LANCL2: variants seen among roughly 807,000 people sequenced by gnomAD.
LANCL2 encodes the protein LanC like glutathione S-transferase 2.
LANCL2 carries 33 observed loss-of-function variants against 56.9 expected under a neutral mutation model. The ratio of observed to expected loss-of-function variants is 0.58; its 90% CI spans 0.44 to 0.78. The LOEUF is 0.78. Ranked by LOEUF, LANCL2 falls within the 30% of genes least tolerant of loss-of-function variation. The pLI is 0.00. For missense variants in LANCL2, 562 were observed against 580.2 expected, an observed-to-expected ratio of 0.97 and a Z score of 0.32; for synonymous variants, 233 against 228.2, an observed-to-expected ratio of 1.02 and a Z score of -0.19.
chr7:55,426,907 G>T (rs1239294892), intron 7 of LANCL2, among the ~76,000 whole-genome samples: 4 of 152,214 alleles, frequency 2.6e-5, no homozygotes, highest in Non-Finnish European at 4.4e-5. Flanking sequence ...TATGGGCAAT[G>T]CGAGAAGACC....
intron 1 of LANCL2, among the ~76,000 whole-genome samples, chr7:55,375,712 C>T (rs1014597270): frequency 3.3e-5 from 5 of 152,208 alleles, no homozygotes; most frequent in African/African-American, 1.2e-4. Flanking sequence ...CTTAGAATTT[C>T]ATAAGGCCAA....
chr7:55,385,750 A>G (rs1790118257), intron 1 of LANCL2, among the ~76,000 whole-genome samples: 1 of 152,192 alleles, frequency 6.6e-6, no homozygotes, highest in Non-Finnish European at 1.5e-5. Flanking sequence ...ATCAGGAGAC[A>G]GGGTTTTGAG....
rs2128990262 is a variant in LANCL2, at chr7:55,365,917, C to T, written c.-109C>T. ...CTCCCGCCAGCGCGCGGCCTCGCTC[C>T]TCCTAGAGGACGCTCTCTGCGCGGG... is the stretch of plus-strand genomic sequence containing the variant. On this transcript the variant is annotated 5_prime_UTR_variant, in exon 1 of 9. Transcript: ENST00000254770. 5 of 867,238 alleles carry T rather than the reference C, an allele frequency of 5.8e-6. No individual in the cohort carries two copies. In the East Asian group the frequency reaches 1.7e-4, roughly 29 times the overall value. 53.7% of individuals were successfully genotyped at this position (867,238 alleles called of 1,614,324 possible).
At chr7:55,431,142 C>A in intron 8 of LANCL2, 84 bp from the exon 9 acceptor site, 1 of 945,566 alleles carries the variant, frequency 1.1e-6, no homozygotes, top group Non-Finnish European at 1.5e-6. Context: ...GCTTGCAGCC[C>A]CTGGTAAGGG....
At position 55,366,581 on chromosome 7, in the gene LANCL2, T is replaced by C. The variant is rs894854381; in HGVS notation, c.204+352T>C. 1.6e-4 allele frequency among the ~76,000 whole-genome samples: 24 copies of C among 152,220 alleles called. 1 individual carries two copies. Among genetic ancestry groups the C allele is most frequent in the Admixed American group, 7.2e-4 (11 of 15,294 alleles). On this transcript the variant is annotated intron_variant, in intron 1 of 8. Transcript: ENST00000254770. ...CTGCGCGGCGGAGCGCTCCGCCGGC[T>C]ACCTGCTCCTCAGAAGTGGCCTGGA... is the stretch of plus-strand genomic sequence containing the variant.
chr7:55,371,418 T>G (rs1789942218), intron 1 of LANCL2, among the ~76,000 whole-genome samples: 1 of 152,206 alleles, frequency 6.6e-6, no homozygotes, highest in Non-Finnish European at 1.5e-5. Context: ...GAGACAGGGT[T>G]TTACCATGTT....
intron 4 of LANCL2, 89 bp downstream of exon 4, chr7:55,400,193 C>T: frequency 8.9e-7 from 1 of 1,128,178 alleles, no homozygotes; most frequent in Non-Finnish European, 1.2e-6. Context: ...GACTTTACTT[C>T]TAGGTAGCAT....
chr7:55,386,500 T>C (rs898399211), intron 1 of LANCL2, among the ~76,000 whole-genome samples: 2 of 152,072 alleles, frequency 1.3e-5, no homozygotes, highest in African/African-American at 4.8e-5. Flanking sequence ...TGGTGTGGGG[T>C]GTGCTGGAGA....
chr7:55,417,429 G>A (rs1790556716), intron 6 of LANCL2, among the ~76,000 whole-genome samples: 1 of 152,096 alleles, frequency 6.6e-6, no homozygotes, highest in Admixed American at 6.5e-5. Context: ...ACTCTATTCA[G>A]TTACTTTGGC....
intron 1 of LANCL2, among the ~76,000 whole-genome samples, chr7:55,373,474 G>T (rs2331023): frequency 0.89 from 134,914 of 151,214 alleles, 60,486 homozygotes; most frequent in African/African-American, 0.95. Flanking sequence ...AATTTTTTGT[G>T]TGTGGAGATG....
chr7:55,411,840 C>T, intron 5 of LANCL2, 67 bp from the exon 6 acceptor site: 1 of 1,403,542 alleles, frequency 7.1e-7, no homozygotes, highest in Admixed American at 2.0e-5. Context: ...TTTTGTTAGC[C>T]ATGATACAAT....
chr7:55,403,033 G>C (rs1198579072), intron 5 of LANCL2, among the ~76,000 whole-genome samples: 1 of 151,914 alleles, frequency 6.6e-6, no homozygotes, highest in Non-Finnish European at 1.5e-5. Context: ...TTCCCAGACG[G>C]GGTGGCGGCC....
intron 7 of LANCL2, among the ~76,000 whole-genome samples, chr7:55,425,720 T>A (rs1404570182): frequency 6.6e-6 from 1 of 152,170 alleles, no homozygotes; most frequent in East Asian, 1.9e-4. Context: ...TTTGGATATG[T>A]CTCTTCTTCA....
At chr7:55,422,165 A>G (rs556697166) in intron 6 of LANCL2, among the ~76,000 whole-genome samples, 1 of 152,298 alleles carries the variant, frequency 6.6e-6, no homozygotes, top group East Asian at 1.9e-4. Flanking sequence ...CCTGATTTCT[A>G]TCTGGTATTA....
chr7:55,386,136 AATTTGTGTAGTT>A (rs918155659), intron 1 of LANCL2, among the ~76,000 whole-genome samples: 1 of 152,138 alleles, frequency 6.6e-6, no homozygotes, highest in African/African-American at 2.4e-5. Flanking sequence ...CATGCTGTAC[AATTTGTGTAGTT>A]AACACAATTA....
chr7:55,378,554 G>A (rs548403561), intron 1 of LANCL2, among the ~76,000 whole-genome samples: 3 of 148,294 alleles, frequency 2.0e-5, no homozygotes, highest in Admixed American at 2.0e-4. Context: ...GTGTGTGTGT[G>A]TATGTAAATA....
intron 1 of LANCL2, among the ~76,000 whole-genome samples, chr7:55,373,984 G>A (rs886787217): frequency 2.6e-5 from 4 of 152,208 alleles, no homozygotes. Flanking sequence ...GTCTTTTATA[G>A]ATTTTAGTTA....
intron 2 of LANCL2, among the ~76,000 whole-genome samples, chr7:55,395,321 T>C (rs1790237914): frequency 6.6e-6 from 1 of 152,170 alleles, no homozygotes; most frequent in South Asian, 2.1e-4. Flanking sequence ...GGCAGTACTT[T>C]CAACATTCAT....
chr7:55,369,680 T>C (rs1345212648), intron 1 of LANCL2, among the ~76,000 whole-genome samples: 1 of 148,454 alleles, frequency 6.7e-6, no homozygotes, highest in East Asian at 2.0e-4. Flanking sequence ...AGCTGAATCA[T>C]GATTAATGTC....
Sources: gnomAD v4.1 joint callset for allele counts (sites outside exome capture counted in the v4.1 genomes callset) on GRCh38, gnomAD v4.1.1 for gene constraint, MANE v1.5 for transcripts, NCBI Gene and HGNC (gene_info 2026-07-23, HGNC 2026-07-21) for gene names.